The following ITGA9 variants were observed in gnomAD, a reference collection of about 807,000 sequenced individuals.
The protein encoded by ITGA9 is integrin subunit alpha 9.
Under a neutral mutation model 127.8 loss-of-function variants are expected in ITGA9, and 56 were observed. The ratio of observed to expected loss-of-function variants is 0.44; its 90% confidence interval spans 0.35 to 0.55. The LOEUF is 0.55. Among genes scored for constraint, ITGA9 ranks in the 20% least tolerant of loss-of-function variants. The pLI is 0.00. For missense variants in ITGA9, 1,196 were observed against 1,347.1 expected (o/e 0.89, Z 1.76); for synonymous variants, 508 against 514.5 (o/e 0.99, Z 0.17).
chr3:37,714,757 T>C (rs1462547915), intron 18 of ITGA9, among the ~76,000 whole-genome samples: 1 of 152,190 alleles, frequency 6.6e-6, no homozygotes, highest in Non-Finnish European at 1.5e-5. Flanking sequence ...CAGCAGTCTG[T>C]GTTTTAGCAA....
intron 23 of ITGA9, among the ~76,000 whole-genome samples, chr3:37,764,353 A>G (rs573220787): frequency 3.3e-5 from 5 of 151,742 alleles, no homozygotes; most frequent in Admixed American, 2.6e-4. Flanking sequence ...TCACTCAGGA[A>G]GTAAGGACCT....
At chr3:37,650,188 A>G (rs1407485125) in intron 16 of ITGA9, among the ~76,000 whole-genome samples, 3 of 152,176 alleles carry the variant, frequency 2.0e-5, no homozygotes, top group South Asian at 2.1e-4. Flanking sequence ...AGGAAGCTCT[A>G]TTGCTTTTTA....
intron 1 of ITGA9, among the ~76,000 whole-genome samples, chr3:37,459,182 C>G (rs1322198548): frequency 6.6e-6 from 1 of 152,238 alleles, no homozygotes; most frequent in African/African-American, 2.4e-5. Context: ...TCTGAATATT[C>G]AGTAGATGTC....
chr3:37,722,981 T>G (rs1559578863), intron 18 of ITGA9, among the ~76,000 whole-genome samples: 1 of 152,242 alleles, frequency 6.6e-6, no homozygotes. Context: ...CAGCATTTGT[T>G]ATTGTTTGTC....
intron 15 of ITGA9, among the ~76,000 whole-genome samples, chr3:37,592,168 T>C (rs145832520): frequency 3.3e-5 from 5 of 152,352 alleles, no homozygotes; most frequent in Non-Finnish European, 7.3e-5. Flanking sequence ...TTAAACATGC[T>C]TATTAGCCTC....
At chr3:37,631,588 A>G (rs897817099) in intron 16 of ITGA9, among the ~76,000 whole-genome samples, 3 of 152,218 alleles carry the variant, frequency 2.0e-5, no homozygotes, top group African/African-American at 7.2e-5. Context: ...ATAAGAGTCC[A>G]GTAATTTTCT....
chr3:37,486,048 A>G (rs2125561097), intron 4 of ITGA9, among the ~76,000 whole-genome samples: 1 of 152,298 alleles, frequency 6.6e-6, no homozygotes, highest in South Asian at 2.1e-4. Flanking sequence ...ATATTTTAGG[A>G]CTCCGAAATG....
intron 7 of ITGA9, among the ~76,000 whole-genome samples, chr3:37,507,701 C>T (rs1698859993): frequency 6.6e-6 from 1 of 152,102 alleles, no homozygotes; most frequent in Non-Finnish European, 1.5e-5. Flanking sequence ...CTGACAATTC[C>T]ACATTCCCAG....
At chr3:37,621,388 T>A (rs1392282419) in intron 15 of ITGA9, among the ~76,000 whole-genome samples, 2 of 152,220 alleles carry the variant, frequency 1.3e-5, no homozygotes, top group Non-Finnish European at 2.9e-5. Context: ...CACTCTTTCG[T>A]TGTTCCCCCA....
intron 19 of ITGA9, among the ~76,000 whole-genome samples, chr3:37,733,620 G>C (rs1696324446): frequency 2.0e-5 from 3 of 150,498 alleles, no homozygotes. Flanking sequence ...TTTGGTCCCA[G>C]TATCTAGTAG....
intron 16 of ITGA9, among the ~76,000 whole-genome samples, chr3:37,646,340 C>T (rs1442180671): frequency 6.6e-6 from 1 of 152,176 alleles, no homozygotes; most frequent in Admixed American, 6.5e-5. Context: ...AAGTTGCCAG[C>T]CTTGTTCTAA....
At chr3:37,710,835 G>T (rs1230571091) in intron 18 of ITGA9, among the ~76,000 whole-genome samples, 1 of 152,256 alleles carries the variant, frequency 6.6e-6, no homozygotes, top group Admixed American at 6.5e-5. Context: ...CTCGCAGCCA[G>T]CTGAGGGAGC....
Position 37,519,279 on chromosome 3 carries a change from C to T in ITGA9, c.1161C>T (p.Pro387=). 1 of 1,614,026 alleles carries T rather than the reference C, an allele frequency of 6.2e-7. No homozygotes were observed. Among genetic ancestry groups the T allele is most frequent in the Non-Finnish European group, 8.5e-7 (1 of 1,179,950 alleles). ...DGFPDVAIGA[P]KEDDFAGAVY... ...CCTCAGATGTGGCCATTGGTGCACC[C>T]AAGGAGGATGACTTCGCAGGGGCGG... Residue 387 remains proline (P), a synonymous_variant, in exon 11 of 28, where the codon CCC becomes CCT. Coordinates refer to ENST00000264741, the MANE Select transcript of ITGA9 (RefSeq NM_002207.3).
rs571628740 is a variant in ITGA9 at position 37,466,449 on chromosome 3, A to C, written c.186-4558A>C. Among the ~76,000 whole-genome samples the C allele has an allele frequency of 3.2e-4, 41 of 129,164 alleles. No individual in the cohort carries two copies. The South Asian group carries it at 0.011, about 33-fold the overall frequency. The allele number at this position is 129,164 out of a possible 152,430, so 84.7% of individuals were successfully genotyped here. On this transcript the variant is annotated intron_variant, in intron 1 of 27. Coordinates refer to ENST00000264741, the MANE Select transcript of ITGA9 (RefSeq NM_002207.3). ...CAGTGAGCGGAGATCGCCGCACTGC[A>C]CTCCAGCCTGGGTAACAGAGCAAGA...
chr3:37,540,505 G>A (rs1699255071), intron 14 of ITGA9, among the ~76,000 whole-genome samples: 1 of 152,204 alleles, frequency 6.6e-6, no homozygotes, highest in African/African-American at 2.4e-5. Context: ...AAAAAAATGG[G>A]AGGTTTTGGT....
At chr3:37,675,278 C>G (rs557635444) in intron 17 of ITGA9, among the ~76,000 whole-genome samples, 107 of 152,278 alleles carry the variant, frequency 7.0e-4, no homozygotes, top group African/African-American at 2.5e-3. Flanking sequence ...CTCTGTTCTG[C>G]TCATGTGTTG....
At chr3:37,648,447 G>A (rs1327531779) in intron 16 of ITGA9, among the ~76,000 whole-genome samples, 2 of 152,078 alleles carry the variant, frequency 1.3e-5, no homozygotes, top group African/African-American at 2.4e-5. Context: ...AACATAATGA[G>A]ACCTTGTCTT....
At chr3:37,553,123 C>A (rs1699394843) in intron 15 of ITGA9, among the ~76,000 whole-genome samples, 1 of 152,062 alleles carries the variant, frequency 6.6e-6, no homozygotes, top group Non-Finnish European at 1.5e-5. Flanking sequence ...CCCTAAATGT[C>A]ATTTGCTTTG....
intron 26 of ITGA9, among the ~76,000 whole-genome samples, chr3:37,797,938 G>A (rs1697193651): frequency 6.6e-6 from 1 of 152,020 alleles, no homozygotes; most frequent in East Asian, 1.9e-4. Flanking sequence ...ACCCGCCTTG[G>A]TCTCCCAAAG....
Sources: allele counts gnomAD v4.1 joint callset (sites outside exome capture counted in the v4.1 genomes callset), GRCh38; gene constraint gnomAD v4.1.1; transcripts MANE v1.5; gene names NCBI Gene and HGNC (gene_info 2026-07-23, HGNC 2026-07-21).